Variants in SFTPD observed in about 807,000 individuals in gnomAD.
The protein encoded by SFTPD is surfactant protein D.
Under a neutral mutation model 34.6 loss-of-function variants are expected in SFTPD, and 18 were observed. The ratio of observed to expected loss-of-function variants is 0.52; its 90% CI spans 0.36 to 0.77. SFTPD has a LOEUF of 0.77. Among genes scored for constraint, SFTPD ranks in the 30% least tolerant of loss-of-function variants. SFTPD has a pLI of 0.00. For missense variants in SFTPD, 433 were observed against 468.9 expected, an observed-to-expected ratio of 0.92 and a Z score of 0.71; for synonymous variants, 155 against 180.9, an observed-to-expected ratio of 0.86 and a Z score of 1.15.
intron 2 of SFTPD, 33 bp from the exon 3 acceptor site, chr10:79,942,912 GC>G (rs1184085836): frequency 4.2e-6 from 6 of 1,441,184 alleles, no homozygotes; most frequent in Non-Finnish European, 5.9e-6. Flanking sequence ...CAAAGACCTG[GC>G]CCTAGACCCA....
chr10:79,972,318 T>C (rs1589343554), intron 1 of SFTPD: 1 of 152,238 alleles, frequency 6.6e-6, no homozygotes, highest in African/African-American at 2.4e-5. Context: ...ACCAACATAG[T>C]GAAACCCCGT....
At chr10:79,942,347 C>G in intron 4 of SFTPD, 41 bp downstream of exon 4, 1 of 1,368,940 alleles carries the variant, frequency 7.3e-7, no homozygotes, top group South Asian at 1.2e-5. Flanking sequence ...CTTGTCCTTC[C>G]TCCTTTCCCT....
intron 1 of SFTPD, among the ~76,000 whole-genome samples, chr10:79,965,138 C>T (rs957972219): frequency 5.9e-5 from 9 of 152,120 alleles, no homozygotes; most frequent in African/African-American, 2.2e-4. Context: ...AAAAGGAGGA[C>T]TCTGTCAAGT....
At chr10:79,980,862 C>T (rs774792839) in intron 1 of SFTPD, among the ~76,000 whole-genome samples, 9 of 152,190 alleles carry the variant, frequency 5.9e-5, no homozygotes, top group Non-Finnish European at 1.0e-4. Flanking sequence ...TCAAGAAGGA[C>T]AAGTACAAAC....
chr10:79,960,872 A>G (rs1161554575), intron 1 of SFTPD, among the ~76,000 whole-genome samples: 2 of 152,220 alleles, frequency 1.3e-5, no homozygotes, highest in African/African-American at 4.8e-5. Context: ...AGCTGGAGGC[A>G]TCATGCTACC....
chr10:79,974,851 A>C (rs1168063078), intron 1 of SFTPD, among the ~76,000 whole-genome samples: 1 of 152,224 alleles, frequency 6.6e-6, no homozygotes, highest in Non-Finnish European at 1.5e-5. Flanking sequence ...CACACACAGA[A>C]ATATAGAGGT....
At position 79,965,539 on chromosome 10, in the gene SFTPD, C is replaced by T. The variant is rs867439436; in HGVS notation, c.36+17036G>A. On this transcript the variant is annotated intron_variant, in intron 1 of 5. Transcript: ENST00000444384. Reference sequence around the variant, plus strand: ...TTTACCACTATTTCATTTTATTTTTCTTTTTTTTTTTTTAATTTTTTATTT... The same window carrying T: ...TTTACCACTATTTCATTTTATTTTTTTTTTTTTTTTTTTAATTTTTTATTT... 1.7e-4 allele frequency among the ~76,000 whole-genome samples: 19 copies of T among 113,496 alleles called. No individual in the cohort carries two copies. In the South Asian group the frequency reaches 1.8e-3, roughly 11 times the overall value. The allele number at this position is 113,496 out of a possible 152,430, so 74.5% of individuals were successfully genotyped here.
rs571253925 is a variant in SFTPD, at chr10:79,956,474, G to T, written c.37-9812C>A. Among the ~76,000 whole-genome samples the T allele has an allele frequency of 5.9e-5, 9 of 152,362 alleles. No homozygotes were observed. The South Asian group carries it at 1.7e-3, about 28-fold the overall frequency. ...CCCTAATACTGTGCTTTTCCAACAG[G>T]CTTAAAAAATGGCACACCAGGAGAT... On this transcript the variant is annotated intron_variant, in intron 1 of 5. Transcript: ENST00000444384.
chr10:79,950,546 G>C (rs1487415088), upstream of SFTPD: 2 of 152,228 alleles, frequency 1.3e-5, no homozygotes, highest in Non-Finnish European at 2.9e-5. Context: ...CTGCTAAGAA[G>C]TCCATTGTTA....
rs150852377 is a variant in SFTPD at position 79,962,915 on chromosome 10, T to G, written c.37-16253A>C. Among the ~76,000 whole-genome samples the G allele has an allele frequency of 9.1e-4, 138 of 152,334 alleles. 2 individuals carry two copies. Among genetic ancestry groups the G allele is most frequent in the African/African-American group, 3.2e-3 (135 of 41,584 alleles). On this transcript the variant is annotated intron_variant, in intron 1 of 5. Transcript: ENST00000444384. ...CTATTAAAGTTGACTCTTTCAGGTT[T>G]TATAACCATGAAAAGTATTACAATA...
chr10:79,941,939 C>T lies in SFTPD; in HGVS notation c.550+15G>A, dbSNP rs866720804. The T allele has an allele frequency of 1.9e-6, 3 of 1,560,748 alleles. No homozygotes were observed. Among genetic ancestry groups the T allele is most frequent in the Non-Finnish European group, 2.6e-6 (3 of 1,132,654 alleles). On this transcript the variant is annotated intron_variant, in intron 5 of 7. Coordinates refer to ENST00000372292, the MANE Select transcript of SFTPD (RefSeq NM_003019.5). ...GAACTGGACCCAGCCCAGCCCAGCT[C>T]TTTCCACTGCTCACCTGCTGCCCCT...
chr10:79,953,563 A>G (rs1842722992), upstream of SFTPD, among the ~76,000 whole-genome samples: 1 of 150,920 alleles, frequency 6.6e-6, no homozygotes, highest in Non-Finnish European at 1.5e-5. Flanking sequence ...GCTGCTTTCA[A>G]TTTTTTTTCT....
chr10:79,945,272 G>A (rs1589335507), intron 2 of SFTPD, among the ~76,000 whole-genome samples: 1 of 152,152 alleles, frequency 6.6e-6, no homozygotes, highest in Admixed American at 6.5e-5. Flanking sequence ...GGGAATCTCT[G>A]AGAAAGAGCT....
rs374491984 is a variant in SFTPD, at chr10:79,942,875, C to A, written c.204G>T (p.Leu68Phe). ...GPRGEKGDPG[L>F]PGAAGQAGMP... is the part of the protein sequence containing the mutation. ...TCCCTGCTTGCCCTGCAGCTCCTGG[C>A]AAACCTGTAGCAGCAGAAGAAATGG... Residue 68 changes from leucine to phenylalanine, a missense_variant, in exon 3 of 8, where the codon TTG (leucine) becomes TTT (phenylalanine). By Grantham distance (22) the Leu-to-Phe change is conservative. Coordinates refer to ENST00000372292, the MANE Select transcript of SFTPD (RefSeq NM_003019.5). 3.1e-6 allele frequency: 5 copies of A among 1,609,494 alleles called. No individual in the cohort carries two copies. Among genetic ancestry groups the A allele is most frequent in the African/African-American group, 1.3e-5 (1 of 74,822 alleles).
chr10:79,960,015 C>T (rs1355205339), intron 1 of SFTPD, among the ~76,000 whole-genome samples: 4 of 151,696 alleles, frequency 2.6e-5, no homozygotes, highest in African/African-American at 9.7e-5. Context: ...AAATGTAATC[C>T]AGCATATAAA....
chr10:79,954,420 C>T (rs61858841), intron 1 of SFTPD, among the ~76,000 whole-genome samples: 22,245 of 152,050 alleles, frequency 0.15, 2,042 homozygotes, highest in East Asian at 0.41. Context: ...TGCAGGTGTC[C>T]GCACATGGAG....
intron 7 of SFTPD, among the ~76,000 whole-genome samples, chr10:79,938,432 A>G (rs1028017643): frequency 2.0e-5 from 3 of 152,074 alleles, no homozygotes; most frequent in Non-Finnish European, 4.4e-5. Context: ...ATGATTCCCC[A>G]CTTACAGATG....
At chr10:79,951,469 G>T (rs566523233), upstream of SFTPD, among the ~76,000 whole-genome samples, 2 of 152,224 alleles carry the variant, frequency 1.3e-5, no homozygotes, top group Admixed American at 1.3e-4. Context: ...GATAGCTTTT[G>T]TGTGGTGGCT....
At chr10:79,966,841 A>G (rs1403668128) in intron 1 of SFTPD, among the ~76,000 whole-genome samples, 1 of 147,246 alleles carries the variant, frequency 6.8e-6, no homozygotes, top group South Asian at 2.2e-4. Context: ...TAAATAGGGA[A>G]TCCTTTCCCC....
Sources: allele counts gnomAD v4.1 joint callset (sites outside exome capture counted in the v4.1 genomes callset), GRCh38; gene constraint gnomAD v4.1.1; transcripts MANE v1.5; gene names NCBI Gene and HGNC (gene_info 2026-07-23, HGNC 2026-07-21).